The following SIMC1 variants were observed in gnomAD, a reference collection of about 807,000 sequenced individuals.
The protein encoded by SIMC1 is SUMO interacting motifs containing 1, also known as SUMO-interacting motif-containing protein 1.
A neutral mutation model predicts 82.3 loss-of-function variants in SIMC1; 55 were observed. The ratio of observed to expected loss-of-function variants is 0.67; its 90% CI spans 0.54 to 0.84. The LOEUF (loss-of-function observed/expected upper bound fraction) is 0.84. SIMC1 is among the 40% of genes least tolerant of loss of function. The probability of loss-of-function intolerance (pLI) is 0.00; values close to 1 mark genes in which losing one functional copy is unlikely to be tolerated. For synonymous variants in SIMC1, 353 were observed against 426.3 expected, an observed-to-expected ratio of 0.83 and a Z score of 2.12; for missense variants, 915 against 1,107.2, an observed-to-expected ratio of 0.83 and a Z score of 2.46.
intron 1 of SIMC1, chr5:176,263,559 G>C: frequency 7.2e-7 from 1 of 1,387,086 alleles, no homozygotes; most frequent in Non-Finnish European, 9.5e-7. Flanking sequence ...TATTTTGCAG[G>C]AACTATGAGT....
chr5:176,325,702 A>G (rs979416278), intron 7 of SIMC1, among the ~76,000 whole-genome samples: 1 of 152,080 alleles, frequency 6.6e-6, no homozygotes, highest in South Asian at 2.1e-4. Flanking sequence ...TAAATAATAA[A>G]TTAATTACTT....
chr5:176,280,721 C>G (rs990122706), intron 1 of SIMC1, among the ~76,000 whole-genome samples: 4 of 152,074 alleles, frequency 2.6e-5, no homozygotes, highest in Admixed American at 6.6e-5. Context: ...ATATGAAATT[C>G]TGGGTTGAAA....
chr5:176,324,728 T>C lies in SIMC1; in HGVS notation c.2142T>C (p.Phe714=). 6.2e-7 allele frequency: 1 copy of C among 1,601,198 alleles called. No homozygotes were observed. The highest frequency in any genetic ancestry group is 8.5e-7 in the Non-Finnish European group (1 of 1,173,654). ...AAATTGCCGAGATGATGTTTGGGTT[T>C]GTGCTGGACATTCCTGAGAGGAGCC... is the stretch of plus-strand genomic sequence containing the variant. ...SNKIAEMMFG[F]VLDIPERSQR... is the part of the protein sequence containing the mutation. Residue 714 remains phenylalanine (F), a synonymous_variant, in exon 7 of 10, where the codon TTT becomes TTC. Transcript: ENST00000429602.
intron 1 of SIMC1, among the ~76,000 whole-genome samples, chr5:176,279,026 T>TA (rs1762852891): frequency 6.6e-6 from 1 of 152,228 alleles, no homozygotes; most frequent in African/African-American, 2.4e-5. Flanking sequence ...GAAGGAGTGG[T>TA]ACCAGCTCCT....
chr5:176,284,041 T>G (rs1164425619), intron 1 of SIMC1, among the ~76,000 whole-genome samples: 2 of 152,184 alleles, frequency 1.3e-5, no homozygotes, highest in Non-Finnish European at 2.9e-5. Context: ...CTTAGAGACC[T>G]GCAAAGAGAC....
At chr5:176,280,260 G>C (rs1013123062) in intron 1 of SIMC1, among the ~76,000 whole-genome samples, 9 of 152,000 alleles carry the variant, frequency 5.9e-5, no homozygotes, top group Admixed American at 2.0e-4. Flanking sequence ...ATCTTTGTTG[G>C]TTTAAAGTCT....
chr5:176,290,087 C>T lies in SIMC1; in HGVS notation c.563C>T (p.Thr188Ile), dbSNP rs1763476475. The T allele has an allele frequency of 6.2e-7, 1 of 1,607,548 alleles. No homozygotes were observed. The highest frequency in any genetic ancestry group is 8.5e-7 in the Non-Finnish European group (1 of 1,176,786). The change falls in exon 2 of 10, where the codon ACA becomes ATA. Residue 188 changes from threonine to isoleucine, a missense_variant. Thr to Ile is a moderately conservative substitution (Grantham distance 89, BLOSUM62 -1). This residue lies in a region of SIMC1 where 902 missense variants were observed against 1,040.3 expected (regional missense o/e 0.87). Transcript: ENST00000429602. ...LSSDVSSLSP[T>I]SNNSRSSSSS... ...TCAGATGTTAGCTCCCTCTCCCCAA[C>T]AAGCAATAATAGTAGGAGCAGCAGC... is the stretch of plus-strand genomic sequence containing the variant.
intron 1 of SIMC1, among the ~76,000 whole-genome samples, chr5:176,255,311 G>A (rs528394781): frequency 6.6e-6 from 1 of 151,922 alleles, no homozygotes; most frequent in East Asian, 1.9e-4. Flanking sequence ...ACCAGGTGCT[G>A]TGGCTCATGC....
chr5:176,264,186 G>A (rs2113154609), intron 1 of SIMC1, among the ~76,000 whole-genome samples: 1 of 152,368 alleles, frequency 6.6e-6, no homozygotes, highest in South Asian at 2.1e-4. Context: ...GGCCTTTCCA[G>A]GCTGAAAATA....
chr5:176,268,977 C>T (rs1762317088), intron 1 of SIMC1, among the ~76,000 whole-genome samples: 1 of 152,046 alleles, frequency 6.6e-6, no homozygotes, highest in African/African-American at 2.4e-5. Flanking sequence ...GTTTTCTGAC[C>T]ATAATGAAAG....
intron 2 of SIMC1, among the ~76,000 whole-genome samples, chr5:176,294,330 A>T (rs1292887476): frequency 6.6e-6 from 1 of 152,050 alleles, no homozygotes; most frequent in East Asian, 1.9e-4. Context: ...CCTAGGCTGG[A>T]GTGCAGTGGC....
rs564636494 is a variant in SIMC1 at position 176,344,956 on chromosome 5, A to G, written c.2414-227A>G. On this transcript the variant is annotated intron_variant, in intron 9 of 9. Transcript: ENST00000429602. ...TGATCATAAAAAATGACACAGATCC[A>G]AACCATATCACTTTTTTTAATGTAA... Among the ~76,000 whole-genome samples the G allele has an allele frequency of 2.1e-4, 32 of 152,270 alleles. No individual in the cohort carries two copies. The South Asian group carries it at 6.2e-3, about 30-fold the overall frequency.
intron 7 of SIMC1, among the ~76,000 whole-genome samples, chr5:176,332,126 A>G (rs1034214122): frequency 6.6e-6 from 1 of 152,182 alleles, no homozygotes; most frequent in African/African-American, 2.4e-5. Context: ...GCTCTTTAAT[A>G]TAAGTATTGG....
Position 176,289,670 on chromosome 5 carries a change from C to T in SIMC1, c.146C>T (p.Thr49Ile). 2 of 1,603,712 alleles carry T rather than the reference C, an allele frequency of 1.2e-6. No homozygotes were observed. The highest frequency in any genetic ancestry group is 1.7e-6 in the Non-Finnish European group (2 of 1,175,038). ...PRRTVDFIDL[T>I]RETRPRTKDR... ...CTTCAACAGGACTTCATTGACTTAA[C>T]TAGAGAGACCAGACCAAGGACAAAA... The change falls in exon 2 of 10, where the codon ACT (threonine) becomes ATT (isoleucine). Residue 49 changes from threonine to isoleucine, a missense_variant. Thr to Ile is a moderately conservative substitution (Grantham distance 89, BLOSUM62 -1). Around this residue, in one of 2 missense-constraint regions of SIMC1, gnomAD observed 902 missense variants for 1,040.3 expected, o/e 0.87. Coordinates refer to ENST00000429602, the MANE Select transcript of SIMC1 (RefSeq NM_001308195.2).
intron 1 of SIMC1, among the ~76,000 whole-genome samples, chr5:176,275,719 A>G: frequency 6.6e-6 from 1 of 151,856 alleles, no homozygotes; most frequent in Non-Finnish European, 1.5e-5. Context: ...TTCTGCATCT[A>G]TTGAGATAAT....
intron 1 of SIMC1, among the ~76,000 whole-genome samples, chr5:176,257,226 TA>T (rs1367612031): frequency 6.6e-6 from 1 of 152,198 alleles, no homozygotes; most frequent in Non-Finnish European, 1.5e-5. Flanking sequence ...GTTCTTGCAT[TA>T]CTGTAAAGAA....
chr5:176,280,495 T>G (rs1762942272), intron 1 of SIMC1, among the ~76,000 whole-genome samples: 1 of 152,266 alleles, frequency 6.6e-6, no homozygotes, highest in African/African-American at 2.4e-5. Flanking sequence ...TAGCTGGTTA[T>G]TTTGCTCGTT....
At position 176,322,413 on chromosome 5, in the gene SIMC1, A is replaced by G. The variant is rs1765207377; in HGVS notation, c.2030A>G (p.Asn677Ser). ...TCTTCCCAGCCCAACCTGACAAAGAACACCAATCAGCTGTAAGGGGCAGGC... is the reference window on the plus strand; with the variant it reads ...TCTTCCCAGCCCAACCTGACAAAGAGCACCAATCAGCTGTAAGGGGCAGGC... ...HPSSQPNLTK[N>S]TNQLIVCQLQ... The change falls in exon 6 of 10, where the codon AAC becomes AGC. Residue 677 changes from asparagine to serine, a missense_variant. This residue lies in a region of SIMC1 where 902 missense variants were observed against 1,040.3 expected (regional missense o/e 0.87). Transcript: ENST00000429602. 1.2e-6 allele frequency: 2 copies of G among 1,609,146 alleles called. No homozygotes were observed. The highest frequency in any genetic ancestry group is 1.1e-5 in the South Asian group (1 of 89,738).
At chr5:176,308,356 C>T in intron 4 of SIMC1, 1 of 1,541,546 alleles carries the variant, frequency 6.5e-7, no homozygotes, top group Non-Finnish European at 9.0e-7. Context: ...GGGCAGCTGT[C>T]TGCAGCTTCA....
Sources: gnomAD v4.1 joint callset for allele counts (sites outside exome capture counted in the v4.1 genomes callset) on GRCh38, gnomAD v4.1.1 for gene constraint, gnomAD v4.1.1 regional missense constraint, MANE v1.5 for transcripts, NCBI Gene and HGNC (gene_info 2026-07-23, HGNC 2026-07-21) for gene names.